KATNIP: variants seen among roughly 807,000 people sequenced by gnomAD.
The protein encoded by KATNIP is katanin-interacting protein.
Under a neutral mutation model 174.0 loss-of-function variants are expected in KATNIP, and 126 were observed. That is an observed-to-expected ratio of 0.72 (90% CI 0.63 to 0.84). The LOEUF (loss-of-function observed/expected upper bound fraction) is 0.84. Ranked by LOEUF, KATNIP falls within the 40% of genes least tolerant of loss-of-function variation. KATNIP has a pLI of 0.00. For missense variants in KATNIP, 1,958 were observed against 2,109.7 expected, an observed-to-expected ratio of 0.93 and a Z score of 1.41; for synonymous variants, 810 against 835.7, an observed-to-expected ratio of 0.97 and a Z score of 0.53.
At chr16:27,651,487 A>G (rs903688684) in intron 6 of KATNIP, among the ~76,000 whole-genome samples, 4 of 151,884 alleles carry the variant, frequency 2.6e-5, no homozygotes, top group African/African-American at 9.7e-5. Context: ...ACTGTTTGCA[A>G]GCGCAACCTG....
chr16:27,709,115 T>TC (rs2079454384), intron 13 of KATNIP, 195 bp downstream of exon 13: 1 of 521,012 alleles, frequency 1.9e-6, no homozygotes, highest in South Asian at 2.7e-5. Flanking sequence ...GGTCAGGAGT[T>TC]CAAGACCAGC....
At chr16:27,559,868 C>G (rs1212583704) in intron 1 of KATNIP, among the ~76,000 whole-genome samples, 1 of 151,804 alleles carries the variant, frequency 6.6e-6, no homozygotes, top group African/African-American at 2.4e-5. Flanking sequence ...ATAATCCCAG[C>G]TTCCTGGGAG....
intron 13 of KATNIP, among the ~76,000 whole-genome samples, chr16:27,709,398 G>A (rs983630566): frequency 3.9e-5 from 6 of 152,010 alleles, no homozygotes; most frequent in African/African-American, 1.5e-4. Context: ...GAGGCGAGTG[G>A]ATCACTTGAA....
intron 16 of KATNIP, among the ~76,000 whole-genome samples, chr16:27,751,060 A>G (rs2081499976): frequency 6.6e-6 from 1 of 152,014 alleles, no homozygotes; most frequent in Admixed American, 6.5e-5. Context: ...CTCTTACAGC[A>G]TGAGTGTGCT....
chr16:27,746,792 A>G (rs2081311481), intron 15 of KATNIP, among the ~76,000 whole-genome samples: 1 of 151,998 alleles, frequency 6.6e-6, no homozygotes, highest in South Asian at 2.1e-4. Flanking sequence ...GAGCTGAAAG[A>G]TCATGGTGGG....
chr16:27,554,789 CTTTTTTTTT>C (rs563621813), intron 1 of KATNIP, among the ~76,000 whole-genome samples: 998 of 77,936 alleles, frequency 0.013, 20 homozygotes, highest in African/African-American at 0.047. Context: ...TTGATTTACA[CTTTTTTTTT>C]TTTTTTTTTT....
intron 3 of KATNIP, among the ~76,000 whole-genome samples, chr16:27,626,893 A>C (rs2076349614): frequency 6.6e-6 from 1 of 150,608 alleles, no homozygotes; most frequent in African/African-American, 2.4e-5. Flanking sequence ...GAACCCCAGG[A>C]GGTGGAGGTT....
At chr16:27,753,533 C>T (rs2143860964) in intron 17 of KATNIP, among the ~76,000 whole-genome samples, 1 of 152,210 alleles carries the variant, frequency 6.6e-6, no homozygotes, top group East Asian at 1.9e-4. Context: ...ATGTAAGGCC[C>T]AAGAAGGGTG....
intron 2 of KATNIP, among the ~76,000 whole-genome samples, chr16:27,598,575 G>A (rs1171761157): frequency 6.6e-6 from 1 of 152,148 alleles, no homozygotes; most frequent in East Asian, 1.9e-4. Context: ...TGGACTTTGG[G>A]GATTCGGGTC....
At chr16:27,597,291 G>A (rs2075364324) in intron 2 of KATNIP, among the ~76,000 whole-genome samples, 1 of 151,998 alleles carries the variant, frequency 6.6e-6, no homozygotes, top group Non-Finnish European at 1.5e-5. Flanking sequence ...CCATCCTGGA[G>A]TAGCTGTTGC....
chr16:27,698,859 T>C (rs982767896), intron 9 of KATNIP, among the ~76,000 whole-genome samples: 6 of 152,184 alleles, frequency 3.9e-5, no homozygotes, highest in South Asian at 2.1e-4. Context: ...AAAGGTCTCA[T>C]TCCCGAGCGT....
At position 27,751,922 on chromosome 16, in the gene KATNIP, C is replaced by T. The variant is rs139172052; in HGVS notation, c.3550C>T (p.Arg1184Trp). 2.0e-4 allele frequency: 319 copies of T among 1,605,518 alleles called. No individual in the cohort carries two copies. The African/African-American group carries it at 3.4e-3, about 17-fold the overall frequency. Reference protein sequence around the residue: ...FTQAGLGADERIPELELPSSS... With the variant: ...FTQAGLGADEWIPELELPSSS... ...CCAGGCTGGCTTGGGGGCTGATGAA[C>T]GGGTAGGACTGGAGCTGGGGGGCTG... Residue 1184 changes from arginine (R) to tryptophan (W), a missense_variant and splice_region_variant, in exon 17 of 28, where the codon CGG becomes TGG. Physicochemically the swap from Arg to Trp is moderately radical, Grantham distance 101. Coordinates refer to ENST00000261588, the MANE Select transcript of KATNIP (RefSeq NM_015202.5).
intron 18 of KATNIP, among the ~76,000 whole-genome samples, chr16:27,757,846 G>A (rs191867082): frequency 6.6e-5 from 10 of 152,260 alleles, no homozygotes; most frequent in South Asian, 6.2e-4. Context: ...TGGTAAATAC[G>A]GCCAATCCTA....
chr16:27,676,605 A>C lies in KATNIP; in HGVS notation c.541-1124A>C, dbSNP rs151027652. ...TTTTCTTAGAACTACATTGGATACTATATAGGCTACAAGGGGTAGTATAGC... is the reference window on the plus strand; with the variant it reads ...TTTTCTTAGAACTACATTGGATACTCTATAGGCTACAAGGGGTAGTATAGC... On this transcript the variant is annotated intron_variant, in intron 6 of 27. Coordinates refer to ENST00000261588, the MANE Select transcript of KATNIP (RefSeq NM_015202.5). Among the ~76,000 whole-genome samples, 4 of 152,288 alleles carry C rather than the reference A, an allele frequency of 2.6e-5. No individual in the cohort carries two copies. The East Asian group carries it at 5.8e-4, about 22-fold the overall frequency.
intron 15 of KATNIP, among the ~76,000 whole-genome samples, chr16:27,742,114 C>T (rs550508518): frequency 1.1e-3 from 173 of 151,674 alleles, no homozygotes; most frequent in African/African-American, 3.7e-3. Flanking sequence ...ATTAGATGGT[C>T]TTCAAGGGCA....
At chr16:27,676,060 G>A (rs2078101946) in intron 6 of KATNIP, among the ~76,000 whole-genome samples, 1 of 152,130 alleles carries the variant, frequency 6.6e-6, no homozygotes, top group South Asian at 2.1e-4. Flanking sequence ...AATCTGGATA[G>A]GCTGAAAATC....
intron 8 of KATNIP, among the ~76,000 whole-genome samples, chr16:27,693,214 T>C (rs1056980922): frequency 6.6e-6 from 1 of 152,134 alleles, no homozygotes; most frequent in South Asian, 2.1e-4. Flanking sequence ...TTCTCATCTC[T>C]CCTGTTGCCC....
intron 12 of KATNIP, among the ~76,000 whole-genome samples, chr16:27,707,784 C>A (rs75338522): frequency 0.012 from 1,833 of 152,326 alleles, 49 homozygotes; most frequent in African/African-American, 0.042. Flanking sequence ...TAGCTGCCTT[C>A]TTGCTTTGCC....
chr16:27,775,659 G>A (rs893931277), intron 24 of KATNIP, among the ~76,000 whole-genome samples: 1 of 152,226 alleles, frequency 6.6e-6, no homozygotes, highest in African/African-American at 2.4e-5. Context: ...GTTGGTTGTG[G>A]TGGAGAGGAA....
Sources: gnomAD v4.1 joint callset for allele counts (sites outside exome capture counted in the v4.1 genomes callset) on GRCh38, gnomAD v4.1.1 for gene constraint, MANE v1.5 for transcripts, NCBI Gene and HGNC (gene_info 2026-07-23, HGNC 2026-07-21) for gene names.